The following TNNT2 variants were observed in gnomAD, a reference collection of about 807,000 sequenced individuals.
TNNT2 encodes the protein troponin T2, cardiac type.
A neutral mutation model predicts 62.4 loss-of-function variants in TNNT2; 34 were observed. The observed-to-expected ratio is 0.54, with a 90% CI of 0.41 to 0.72. The LOEUF (loss-of-function observed/expected upper bound fraction) is 0.72, where lower values mean the gene tolerates loss of function less well. TNNT2 is among the 30% of genes least tolerant of loss of function. The probability of loss-of-function intolerance (pLI) is 0.00; values close to 1 mark genes in which losing one functional copy is unlikely to be tolerated. For missense variants in TNNT2, 275 were observed against 381.9 expected (o/e 0.72, Z 2.33); for synonymous variants, 123 against 127.2 (o/e 0.97, Z 0.22).
Position 201,362,477 on chromosome 1 carries a change from A to G in TNNT2, c.601-83T>C. 3 of 1,530,662 alleles carry G rather than the reference A, an allele frequency of 2.0e-6. No homozygotes were observed. In the South Asian group the frequency reaches 3.5e-5, roughly 18 times the overall value. The allele number at this position is 1,530,662 out of a possible 1,614,324, so 94.8% of individuals were successfully genotyped here. The stretch of plus-strand genomic sequence containing the variant: ...GACACAGAGAGAAGGCAGGAAGACA[A>G]AGGCAAGGAGAGACATGGAAGAGAA... On this transcript the variant is annotated intron_variant, in intron 12 of 16. Transcript: ENST00000656932.
intron 9 of TNNT2, 137 bp downstream of exon 9, chr1:201,365,473 T>C: frequency 8.3e-7 from 1 of 1,211,602 alleles, no homozygotes; most frequent in Non-Finnish European, 1.2e-6. Flanking sequence ...CGCTCATGGA[T>C]GGGCACCCAG....
At chr1:201,363,516 A>G (rs1480784345) in intron 11 of TNNT2, 110 bp from the exon 12 acceptor site, 9 of 1,003,962 alleles carry the variant, frequency 9.0e-6, no homozygotes, top group Middle Eastern at 4.1e-4. Flanking sequence ...CTCTCCGCTC[A>G]GCAAGGAGCT....
Position 201,372,129 on chromosome 1 carries a change from A to G in TNNT2, c.52+16T>C, listed in dbSNP as rs372210580. ...GGCTGTCTTTGATCCAAATGAGTAC[A>G]CACGTTTACGCTTACCTTCCTGCTC... On this transcript the variant is annotated intron_variant, in intron 3 of 16. Coordinates refer to ENST00000656932, the MANE Select transcript of TNNT2 (RefSeq NM_001276345.2). 61 of 1,614,026 alleles carry G rather than the reference A, an allele frequency of 3.8e-5. No individual in the cohort carries two copies. The highest frequency in any genetic ancestry group is 1.6e-4 in the East Asian group (7 of 44,900).
rs1013207195 is a variant in TNNT2, at chr1:201,366,879, A to G, written c.200-8T>C. The G allele has an allele frequency of 1.2e-6, 2 of 1,613,996 alleles. No individual in the cohort carries two copies. Among genetic ancestry groups the G allele is most frequent in the Non-Finnish European group, 1.7e-6 (2 of 1,179,982 alleles). On this transcript the variant is annotated splice_polypyrimidine_tract_variant and splice_region_variant and intron_variant, in intron 7 of 16. Transcript: ENST00000656932. Reference sequence around the variant, plus strand: ...ACTCCTCCATTGGGCCATCTGGAGGAGATAGAAGCACACAGCCATGGGTCA... The same window carrying G: ...ACTCCTCCATTGGGCCATCTGGAGGGGATAGAAGCACACAGCCATGGGTCA...
intron 1 of TNNT2, 169 bp from the exon 2 acceptor site, chr1:201,373,437 G>A (rs2102318362): frequency 1.3e-5 from 9 of 675,376 alleles, no homozygotes; most frequent in Non-Finnish European, 2.4e-5. Flanking sequence ...CCTGCTGGGG[G>A]AGATAGTGAC....
chr1:201,363,843 T>C, intron 11 of TNNT2: 1 of 294,668 alleles, frequency 3.4e-6, no homozygotes, highest in Non-Finnish European at 6.4e-6. Flanking sequence ...GCCAAGACAA[T>C]GCCCAGCACT....
chr1:201,367,069 T>G, intron 7 of TNNT2, 198 bp from the exon 8 acceptor site: 1 of 774,230 alleles, frequency 1.3e-6, no homozygotes, highest in South Asian at 1.6e-5. Context: ...ACACTCCCCC[T>G]CCCATAGAGT....
chr1:201,359,869 G>A (rs1658287901), intron 15 of TNNT2, among the ~76,000 whole-genome samples: 1 of 152,142 alleles, frequency 6.6e-6, no homozygotes, highest in South Asian at 2.1e-4. Context: ...CTTCCAGGAT[G>A]CCTCATGGGC....
At chr1:201,374,832 G>A (rs954777746) in intron 1 of TNNT2, 3 of 152,268 alleles carry the variant, frequency 2.0e-5, no homozygotes, top group Non-Finnish European at 2.9e-5. Context: ...CTGTTATAGT[G>A]CAATATGCCA....
chr1:201,362,411 T>C lies in TNNT2; in HGVS notation c.601-17A>G. 6.2e-7 allele frequency: 1 copy of C among 1,613,264 alleles called. No homozygotes were observed. The highest frequency in any genetic ancestry group is 8.5e-7 in the Non-Finnish European group (1 of 1,179,728). ...CTGGGCCTGCTAAACCGGGAAACCATGAGAGAGAGGCCCATAGAAAAAGAC... is the reference window on the plus strand; with the variant it reads ...CTGGGCCTGCTAAACCGGGAAACCACGAGAGAGAGGCCCATAGAAAAAGAC... On this transcript the variant is annotated splice_polypyrimidine_tract_variant and intron_variant, in intron 12 of 16. Transcript: ENST00000656932.
At chr1:201,371,926 G>A in intron 4 of TNNT2, 101 bp downstream of exon 4, 1 of 1,483,496 alleles carries the variant, frequency 6.7e-7, no homozygotes, top group Non-Finnish European at 9.4e-7. Flanking sequence ...TCAGCTGAGA[G>A]TGAGGAGCAG....
At chr1:201,364,931 G>T (rs570625283) in intron 10 of TNNT2, among the ~76,000 whole-genome samples, 2 of 152,280 alleles carry the variant, frequency 1.3e-5, no homozygotes, top group Middle Eastern at 3.4e-3. Context: ...TTAGGCCCTG[G>T]GGGAGGCCTG....
At chr1:201,359,733 G>C (rs1021018020) in intron 15 of TNNT2, 70 bp from the exon 16 acceptor site, 10 of 1,406,112 alleles carry the variant, frequency 7.1e-6, no homozygotes, top group Non-Finnish European at 9.9e-6. Flanking sequence ...GTGGCCTGGG[G>C]ATGGGGAGAA....
chr1:201,374,257 T>C (rs1661066943), intron 1 of TNNT2: 1 of 67,660 alleles, frequency 1.5e-5, no homozygotes, highest in South Asian at 7.3e-4. Context: ...ATTATGTCAA[T>C]GAAAATTCCG....
chr1:201,361,311 G>A lies in TNNT2; in HGVS notation c.778C>T (p.Leu260=), dbSNP rs977853063. The part of the protein sequence containing the change: ...IYNLEAEKFD[L]QEKFKQQKYE... Reference sequence around the variant, plus strand: ...TTCTGCTGCTTGAACTTCTCCTGCAGGTCGAACTTCTCTGCCTCCAAGTTA... The same window carrying A: ...TTCTGCTGCTTGAACTTCTCCTGCAAGTCGAACTTCTCTGCCTCCAAGTTA... Residue 260 remains leucine, a synonymous_variant, in exon 15 of 17, where the codon CTG becomes TTG. Transcript: ENST00000656932. 7.4e-6 allele frequency: 12 copies of A among 1,614,024 alleles called. No individual in the cohort carries two copies. The highest frequency in any genetic ancestry group is 3.3e-5 in the South Asian group (3 of 91,090).
chr1:201,361,856 G>A (rs1164932714), intron 14 of TNNT2, 57 bp downstream of exon 14: 11 of 1,527,268 alleles, frequency 7.2e-6, no homozygotes, highest in South Asian at 5.6e-5. Context: ...CCCTTGGCCC[G>A]ACCCCTCCCA....
intron 4 of TNNT2, among the ~76,000 whole-genome samples, chr1:201,370,607 T>G (rs1162137809): frequency 6.6e-6 from 1 of 152,230 alleles, no homozygotes; most frequent in Non-Finnish European, 1.5e-5. Flanking sequence ...GACGTTGCTC[T>G]CTCTTGATCA....
intron 15 of TNNT2, chr1:201,361,018 G>A: frequency 1.9e-6 from 1 of 529,400 alleles, no homozygotes; most frequent in Non-Finnish European, 3.4e-6. Flanking sequence ...TCAACGTGTT[G>A]GAGACCCCCA....
intron 10 of TNNT2, among the ~76,000 whole-genome samples, 183 bp from the exon 11 acceptor site, chr1:201,364,558 G>T (rs1482568832): frequency 2.0e-5 from 3 of 152,208 alleles, no homozygotes; most frequent in African/African-American, 7.2e-5. Context: ...GTGCACACCA[G>T]GGTACCTGCA....
Sources: gnomAD v4.1 joint callset for allele counts (sites outside exome capture counted in the v4.1 genomes callset) on GRCh38, gnomAD v4.1.1 for gene constraint, MANE v1.5 for transcripts, NCBI Gene and HGNC (gene_info 2026-07-23, HGNC 2026-07-21) for gene names.